Variants in SCAF8 observed in about 807,000 individuals in gnomAD.
SCAF8 encodes SR-related CTD associated factor 8.
In SCAF8, 23 loss-of-function variants were observed where a neutral mutation model predicts 140.5. That is an observed-to-expected ratio of 0.16 (90% CI 0.12 to 0.23). The LOEUF (loss-of-function observed/expected upper bound fraction) is 0.23. Among genes scored for constraint, SCAF8 ranks in the 10% least tolerant of loss-of-function variants. The pLI, the probability that SCAF8 is intolerant of heterozygous loss-of-function variation, is 1.00. For missense variants in SCAF8, 1,397 were observed against 1,555.7 expected (o/e 0.90, Z 1.72); for synonymous variants, 575 against 528.9 (o/e 1.09, Z -1.20).
chr6:154,740,614 TTTTTCTTTTTC>T (rs960271164), intron 1 of SCAF8, among the ~76,000 whole-genome samples: 4 of 120,042 alleles, frequency 3.3e-5, no homozygotes, highest in African/African-American at 1.0e-4. Context: ...TTTCTTTTTC[TTTTTCTTTTTC>T]TTTTTTTTTT....
chr6:154,799,068 C>T (rs533850782), intron 6 of SCAF8, among the ~76,000 whole-genome samples: 6 of 150,912 alleles, frequency 4.0e-5, no homozygotes, highest in South Asian at 2.1e-4. Context: ...CTGCACCCTC[C>T]GCCTCCCGGA....
chr6:154,776,826 G>C (rs1452058332), intron 2 of SCAF8, among the ~76,000 whole-genome samples: 2 of 152,142 alleles, frequency 1.3e-5, no homozygotes, highest in African/African-American at 2.4e-5. Flanking sequence ...AGGTTTAGTT[G>C]AATGTTCCTA....
In SCAF8 at chr6:154,833,924, G is replaced by C. The variant is rs1228320018; in HGVS notation, c.*529G>C. The C allele has an allele frequency of 6.6e-6, 1 of 152,550 alleles. No homozygotes were observed. Among genetic ancestry groups the C allele is most frequent in the African/African-American group, 2.4e-5 (1 of 41,454 alleles). 9.4% of individuals were successfully genotyped at this position (152,550 alleles called of 1,614,324 possible). A position where few individuals can be genotyped will look rare whatever the true frequency, so the allele number is the denominator to read the frequency against. On this transcript the variant is annotated 3_prime_UTR_variant, in exon 20 of 20. Coordinates refer to ENST00000367178, the MANE Select transcript of SCAF8 (RefSeq NM_014892.5). The stretch of plus-strand genomic sequence containing the variant: ...ACACTACGGTCTCTGTTTCTCCAAA[G>C]TAAGTGTTTGTGATTTGTTCCTCAT...
intron 1 of SCAF8, among the ~76,000 whole-genome samples, chr6:154,765,308 T>C (rs530106840): frequency 6.6e-6 from 1 of 152,288 alleles, no homozygotes; most frequent in South Asian, 2.1e-4. Context: ...TAGTGAACTG[T>C]ATAGAACACC....
At chr6:154,794,777 GGGGGTGTGT>G (rs1562449818) in intron 5 of SCAF8, among the ~76,000 whole-genome samples, 14 of 54,630 alleles carry the variant, frequency 2.6e-4, no homozygotes, top group Non-Finnish European at 4.0e-4. Context: ...GGGGGGTGTG[GGGGGTGTGT>G]GTGTGTGTGT....
intron 1 of SCAF8, among the ~76,000 whole-genome samples, chr6:154,754,295 T>C (rs1778911796): frequency 6.6e-6 from 1 of 152,242 alleles, no homozygotes; most frequent in Non-Finnish European, 1.5e-5. Flanking sequence ...TTATAATCTT[T>C]TGTTTTTAAA....
intron 1 of SCAF8, among the ~76,000 whole-genome samples, chr6:154,735,238 G>C (rs1431334039): frequency 6.6e-6 from 1 of 152,050 alleles, no homozygotes; most frequent in African/African-American, 2.4e-5. Flanking sequence ...TTGTTAAAGA[G>C]TATCTTTAAT....
chr6:154,761,999 A>T (rs1776415641), intron 1 of SCAF8, among the ~76,000 whole-genome samples: 1 of 152,242 alleles, frequency 6.6e-6, no homozygotes, highest in Admixed American at 6.5e-5. Context: ...TAAACTTAGG[A>T]AAAAGCAGAT....
intron 3 of SCAF8, among the ~76,000 whole-genome samples, chr6:154,784,148 T>TATAG (rs1207044635): frequency 2.9e-4 from 37 of 129,312 alleles, no homozygotes; most frequent in Middle Eastern, 4.2e-3. Flanking sequence ...TATATATATA[T>TATAG]ATATATATAT....
chr6:154,805,155 T>G (rs1777876119), intron 8 of SCAF8, among the ~76,000 whole-genome samples: 1 of 152,100 alleles, frequency 6.6e-6, no homozygotes, highest in Non-Finnish European at 1.5e-5. Context: ...CTCTGACACG[T>G]TATCCATCTA....
chr6:154,821,610 G>C (rs1194240908), intron 15 of SCAF8, among the ~76,000 whole-genome samples: 1 of 152,156 alleles, frequency 6.6e-6, no homozygotes, highest in Non-Finnish European at 1.5e-5. Context: ...TGGAGAATGT[G>C]ATATTCGAAA....
At chr6:154,740,570 A>T (rs952960481) in intron 1 of SCAF8, among the ~76,000 whole-genome samples, 1 of 151,524 alleles carries the variant, frequency 6.6e-6, no homozygotes, top group African/African-American at 2.4e-5. Flanking sequence ...ATAGCACAGT[A>T]TCTCAATATA....
At chr6:154,821,600 T>A (rs915967033) in intron 15 of SCAF8, among the ~76,000 whole-genome samples, 3 of 152,158 alleles carry the variant, frequency 2.0e-5, no homozygotes, top group Admixed American at 2.0e-4. Flanking sequence ...GAAGATCTGA[T>A]GGAGAATGTG....
At position 154,799,471 on chromosome 6, in the gene SCAF8, A is replaced by G. The variant is rs544005392; in HGVS notation, c.607-2500A>G. Among the ~76,000 whole-genome samples the G allele has an allele frequency of 5.3e-5, 8 of 151,236 alleles. 1 individual carries two copies. In the South Asian group the frequency reaches 8.3e-4, roughly 16 times the overall value. On this transcript the variant is annotated intron_variant, in intron 6 of 19. Coordinates refer to ENST00000367178, the MANE Select transcript of SCAF8 (RefSeq NM_014892.5). ...TCCTTGTATGTTCTCAGTTTGACCT[A>G]TTGTTCCCTTCCCAACATTTTCTAT...
At chr6:154,780,220 TTCTC>T (rs1777046922) in intron 3 of SCAF8, among the ~76,000 whole-genome samples, 1 of 152,172 alleles carries the variant, frequency 6.6e-6, no homozygotes, top group African/African-American at 2.4e-5. Flanking sequence ...CCTGTTCTCT[TTCTC>T]TATTTTACAT....
intron 1 of SCAF8, among the ~76,000 whole-genome samples, chr6:154,738,697 G>A (rs775117598): frequency 2.6e-5 from 4 of 152,190 alleles, no homozygotes; most frequent in Non-Finnish European, 5.9e-5. Flanking sequence ...AGATGGTGGC[G>A]CTTGTAATGA....
intron 14 of SCAF8, among the ~76,000 whole-genome samples, chr6:154,818,829 T>G (rs775917934): frequency 3.7e-4 from 56 of 152,188 alleles, no homozygotes; most frequent in Non-Finnish European, 7.5e-4. Flanking sequence ...AACGAGAACT[T>G]TAGTCAATTA....
intron 13 of SCAF8, among the ~76,000 whole-genome samples, chr6:154,817,292 A>G (rs982514559): frequency 6.6e-6 from 1 of 152,176 alleles, no homozygotes; most frequent in Admixed American, 6.5e-5. Context: ...CTTGCATCCA[A>G]GTAGCATTTT....
At chr6:154,779,148 T>C (rs1028087674) in intron 3 of SCAF8, among the ~76,000 whole-genome samples, 1 of 152,144 alleles carries the variant, frequency 6.6e-6, no homozygotes, top group South Asian at 2.1e-4. Flanking sequence ...TTCTCTTGCC[T>C]CAGCCTCCCC....
Sources: gnomAD v4.1 joint callset for allele counts (sites outside exome capture counted in the v4.1 genomes callset) on GRCh38, gnomAD v4.1.1 for gene constraint, MANE v1.5 for transcripts, NCBI Gene and HGNC (gene_info 2026-07-23, HGNC 2026-07-21) for gene names.